The following ELMO1 variants were observed in gnomAD, a reference collection of about 807,000 sequenced individuals.
ELMO1 encodes the protein engulfment and cell motility protein 1.
A neutral mutation model predicts 98.9 loss-of-function variants in ELMO1; 26 were observed. That is an observed-to-expected ratio of 0.26 (90% CI 0.19 to 0.36). The LOEUF (loss-of-function observed/expected upper bound fraction) is 0.36. Among genes scored for constraint, ELMO1 ranks in the 10% least tolerant of loss-of-function variants. The pLI, the probability that ELMO1 is intolerant of heterozygous loss-of-function variation, is 1.00. For synonymous variants in ELMO1, 346 were observed against 346.0 expected, an observed-to-expected ratio of 1.00 and a Z score of 0.00; for missense variants, 627 against 935.2, an observed-to-expected ratio of 0.67 and a Z score of 4.30.
chr7:36,876,982 TGTTC>T (rs1373358416), intron 19 of ELMO1, among the ~76,000 whole-genome samples: 13 of 152,320 alleles, frequency 8.5e-5, no homozygotes, highest in Admixed American at 8.5e-4. Context: ...GAAGAGTGAA[TGTTC>T]TAGGCTATCT....
chr7:37,438,037 C>T (rs552573400), intron 1 of ELMO1, among the ~76,000 whole-genome samples: 25 of 152,150 alleles, frequency 1.6e-4, no homozygotes, highest in Non-Finnish European at 3.1e-4. Flanking sequence ...CTATTGCCAC[C>T]ATGCTGTGTA....
chr7:37,380,806 C>G (rs1335325064), intron 1 of ELMO1, among the ~76,000 whole-genome samples: 2 of 152,180 alleles, frequency 1.3e-5, no homozygotes, highest in African/African-American at 4.8e-5. Flanking sequence ...ACTTTGAACC[C>G]ATGGACAACA....
At chr7:37,327,913 T>A (rs1799902904) in intron 2 of ELMO1, among the ~76,000 whole-genome samples, 1 of 152,178 alleles carries the variant, frequency 6.6e-6, no homozygotes, top group Non-Finnish European at 1.5e-5. Context: ...CTTCAATATA[T>A]CATCAACCCA....
intron 16 of ELMO1, among the ~76,000 whole-genome samples, chr7:36,904,977 T>C (rs1217087787): frequency 5.3e-5 from 8 of 152,258 alleles, no homozygotes; most frequent in Admixed American, 5.2e-4. Flanking sequence ...CACCAGTGTC[T>C]AATGGAGCCT....
chr7:36,891,307 A>T (rs1386057222), intron 17 of ELMO1, among the ~76,000 whole-genome samples: 1 of 152,208 alleles, frequency 6.6e-6, no homozygotes, highest in African/African-American at 2.4e-5. Context: ...CACTCATTAG[A>T]TATTTGTCAG....
At chr7:37,287,173 A>C (rs1054479066) in intron 4 of ELMO1, among the ~76,000 whole-genome samples, 1 of 151,636 alleles carries the variant, frequency 6.6e-6, no homozygotes, top group Non-Finnish European at 1.5e-5. Context: ...AGTCTGGGCA[A>C]CAGAGCAAGA....
intron 20 of ELMO1, among the ~76,000 whole-genome samples, chr7:36,869,580 C>A (rs1357831999): frequency 6.6e-6 from 1 of 152,300 alleles, no homozygotes; most frequent in African/African-American, 2.4e-5. Context: ...TTTCTGGGTG[C>A]TCCAGATAAT....
At position 36,872,282 on chromosome 7, in the gene ELMO1, G is replaced by T. The variant is rs186173774; in HGVS notation, c.1823-1807C>A. On this transcript the variant is annotated intron_variant, in intron 19 of 21. Coordinates refer to ENST00000310758, the MANE Select transcript of ELMO1 (RefSeq NM_014800.11). The stretch of plus-strand genomic sequence containing the variant: ...AGAGGAGGCTCAGGGAGGACAAGGT[G>T]ACGATAGTCAGAGGGCAATTCCTAG... 2.4e-4 allele frequency among the ~76,000 whole-genome samples: 37 copies of T among 152,292 alleles called. No individual in the cohort carries two copies. The East Asian group carries it at 6.9e-3, about 29-fold the overall frequency.
intron 1 of ELMO1, among the ~76,000 whole-genome samples, chr7:37,352,865 C>T (rs1216110154): frequency 6.6e-6 from 1 of 152,212 alleles, no homozygotes; most frequent in Admixed American, 6.5e-5. Context: ...GAACATCTCA[C>T]TTCCTGCTTT....
intron 16 of ELMO1, chr7:36,919,560 T>TA (rs1784976063): frequency 2.8e-6 from 1 of 351,924 alleles, no homozygotes; most frequent in African/African-American, 2.1e-5. Flanking sequence ...GCTGGGTTGC[T>TA]ATGATAATTA....
chr7:36,990,100 C>G (rs1205818772), intron 16 of ELMO1, among the ~76,000 whole-genome samples: 1 of 152,120 alleles, frequency 6.6e-6, no homozygotes, highest in Non-Finnish European at 1.5e-5. Flanking sequence ...AAAAAAATAG[C>G]TATAGCATCT....
At position 37,067,746 on chromosome 7, in the gene ELMO1, T is replaced by G. The variant is rs552983298; in HGVS notation, c.1300+28873A>C. Among the ~76,000 whole-genome samples, 487 of 152,188 alleles carry G rather than the reference T, an allele frequency of 3.2e-3. 2 individuals are homozygous for G. Among genetic ancestry groups the G allele is most frequent in the Non-Finnish European group, 4.5e-3 (305 of 67,998 alleles). On this transcript the variant is annotated intron_variant, in intron 15 of 21. Transcript: ENST00000310758. ...ACTCACATAATCTTTCTTTTTTTTTTGAAAAGACAGAATTTTCCTGTTATT... is the reference window on the plus strand; with the variant it reads ...ACTCACATAATCTTTCTTTTTTTTTGGAAAAGACAGAATTTTCCTGTTATT...
At chr7:37,152,729 G>C (rs1002248760) in intron 13 of ELMO1, among the ~76,000 whole-genome samples, 2 of 152,156 alleles carry the variant, frequency 1.3e-5, no homozygotes, top group South Asian at 2.1e-4. Flanking sequence ...AGGAGAAAAG[G>C]CTCTGGTTTA....
chr7:37,345,431 G>A (rs187893924), intron 1 of ELMO1, among the ~76,000 whole-genome samples: 6 of 152,106 alleles, frequency 3.9e-5, no homozygotes, highest in African/African-American at 1.4e-4. Flanking sequence ...GACATCTGAG[G>A]CCAGGTGCGG....
chr7:36,946,380 C>T (rs544799352), intron 16 of ELMO1, among the ~76,000 whole-genome samples: 22 of 152,332 alleles, frequency 1.4e-4, no homozygotes, highest in Admixed American at 3.3e-4. Flanking sequence ...TTCATGGTTA[C>T]AGGGTAAGTG....
intron 1 of ELMO1, among the ~76,000 whole-genome samples, chr7:37,397,489 C>T (rs1249963523): frequency 6.6e-6 from 1 of 152,238 alleles, no homozygotes; most frequent in East Asian, 1.9e-4. Flanking sequence ...GGACAGCATG[C>T]CTGTGAAGAT....
At chr7:37,281,010 T>C (rs200249381) in intron 4 of ELMO1, among the ~76,000 whole-genome samples, 1 of 112,034 alleles carries the variant, frequency 8.9e-6, no homozygotes, top group African/African-American at 3.3e-5. Flanking sequence ...AATATATATA[T>C]AAATATATAT....
At chr7:36,979,858 G>A (rs1313075166) in intron 16 of ELMO1, among the ~76,000 whole-genome samples, 1 of 152,208 alleles carries the variant, frequency 6.6e-6, no homozygotes, top group Non-Finnish European at 1.5e-5. Context: ...CCAGTGTGAA[G>A]GCCTGAGTTC....
intron 1 of ELMO1, among the ~76,000 whole-genome samples, chr7:37,393,375 AC>A (rs957319617): frequency 1.1e-4 from 17 of 152,102 alleles, no homozygotes; most frequent in African/African-American, 4.1e-4. Flanking sequence ...TGCCCTTGTG[AC>A]CTCGTTCAAA....
Sources: allele counts gnomAD v4.1 joint callset (sites outside exome capture counted in the v4.1 genomes callset), GRCh38; gene constraint gnomAD v4.1.1; transcripts MANE v1.5; gene names NCBI Gene and HGNC (gene_info 2026-07-23, HGNC 2026-07-21).